Variants in TGFBR2 observed in about 807,000 individuals in gnomAD.
The protein encoded by TGFBR2 is transforming growth factor beta receptor 2.
A neutral mutation model predicts 49.0 loss-of-function variants in TGFBR2; 18 were observed. The ratio of observed to expected loss-of-function variants is 0.37; its 90% CI spans 0.25 to 0.54. The LOEUF is 0.54. Among genes scored for constraint, TGFBR2 ranks in the 20% least tolerant of loss-of-function variants. The pLI is 0.85. For synonymous variants in TGFBR2, 282 were observed against 275.9 expected (o/e 1.02, Z -0.22); for missense variants, 525 against 722.6 (o/e 0.73, Z 3.13).
intron 1 of TGFBR2, among the ~76,000 whole-genome samples, chr3:30,622,331 G>C (rs1698244334): frequency 6.6e-6 from 1 of 152,148 alleles, no homozygotes; most frequent in Non-Finnish European, 1.5e-5. Context: ...ATCAGACTCA[G>C]CAGTTCAAGA....
At chr3:30,645,491 CT>C (rs771983813) in intron 2 of TGFBR2, among the ~76,000 whole-genome samples, 91 of 136,166 alleles carry the variant, frequency 6.7e-4, no homozygotes, top group Non-Finnish European at 6.6e-4. Context: ...CTACATATTT[CT>C]TTTTTTTTTT....
At chr3:30,656,709 C>G (rs1699007384) in intron 3 of TGFBR2, among the ~76,000 whole-genome samples, 2 of 152,190 alleles carry the variant, frequency 1.3e-5, no homozygotes, top group African/African-American at 4.8e-5. Flanking sequence ...TTCCTGCTAA[C>G]TTAGAACTGA....
At chr3:30,670,461 T>C (rs1391036390) in intron 3 of TGFBR2, among the ~76,000 whole-genome samples, 1 of 152,220 alleles carries the variant, frequency 6.6e-6, no homozygotes, top group African/African-American at 2.4e-5. Context: ...GGCCTGCTCA[T>C]TAATGGGTAC....
chr3:30,680,020 A>G (rs976646438), intron 5 of TGFBR2, among the ~76,000 whole-genome samples: 1 of 152,196 alleles, frequency 6.6e-6, no homozygotes. Context: ...CAGCTACTCA[A>G]GAGGCTGAGG....
intron 1 of TGFBR2, among the ~76,000 whole-genome samples, chr3:30,635,346 C>T (rs1698508805): frequency 6.6e-6 from 1 of 152,056 alleles, no homozygotes; most frequent in African/African-American, 2.4e-5. Context: ...AAAACAAAAA[C>T]AAACAAAAAA....
At chr3:30,633,680 G>A (rs111450856) in intron 1 of TGFBR2, among the ~76,000 whole-genome samples, 46 of 152,264 alleles carry the variant, frequency 3.0e-4, no homozygotes, top group African/African-American at 9.6e-4. Context: ...CTGTTGTCTT[G>A]GGATGGTGTG....
intron 3 of TGFBR2, among the ~76,000 whole-genome samples, chr3:30,668,395 A>G (rs144239009): frequency 5.6e-4 from 85 of 152,328 alleles, no homozygotes; most frequent in South Asian, 1.2e-3. Context: ...AAGCAAACAC[A>G]TTCATTGGAT....
At chr3:30,615,237 T>G (rs552226182) in intron 1 of TGFBR2, among the ~76,000 whole-genome samples, 2 of 152,194 alleles carry the variant, frequency 1.3e-5, no homozygotes, top group Non-Finnish European at 2.9e-5. Context: ...GTGGATTTAC[T>G]GTGAAGTGCT....
chr3:30,622,821 A>G (rs1698255531), intron 1 of TGFBR2, among the ~76,000 whole-genome samples: 1 of 133,240 alleles, frequency 7.5e-6, no homozygotes, highest in Non-Finnish European at 1.6e-5. Context: ...CAGTGGTTGC[A>G]GTGATCCGAT....
At chr3:30,659,863 G>T (rs192167934) in intron 3 of TGFBR2, among the ~76,000 whole-genome samples, 95 of 151,994 alleles carry the variant, frequency 6.3e-4, no homozygotes, top group South Asian at 2.1e-3. Flanking sequence ...GCTGCTTTGC[G>T]AGTGTCTCAG....
At chr3:30,624,508 C>T (rs973881652) in intron 1 of TGFBR2, among the ~76,000 whole-genome samples, 28 of 151,816 alleles carry the variant, frequency 1.8e-4, no homozygotes, top group Admixed American at 1.1e-3. Flanking sequence ...CCCAGCTATT[C>T]GGGAGGCTGA....
intron 1 of TGFBR2, among the ~76,000 whole-genome samples, chr3:30,613,907 TG>T (rs1274382920): frequency 6.6e-6 from 1 of 152,214 alleles, no homozygotes; most frequent in Admixed American, 6.5e-5. Flanking sequence ...GGGGTGGATC[TG>T]CAGCAGCAAC....
chr3:30,691,504 C>T lies in TGFBR2; in HGVS notation c.1609C>T (p.Arg537Cys), dbSNP rs104893809. 6.2e-7 allele frequency: 1 copy of T among 1,614,084 alleles called. No individual in the cohort carries two copies. Among genetic ancestry groups the T allele is most frequent in the Non-Finnish European group, 8.5e-7 (1 of 1,179,978 alleles). ...TCTCACAGCCCAGTGTGTGGCAGAACGCTTCAGTGAGCTGGAGCATCTGGA... is the reference window on the plus strand; with the variant it reads ...TCTCACAGCCCAGTGTGTGGCAGAATGCTTCAGTGAGCTGGAGCATCTGGA... ...ARLTAQCVAE[R>C]FSELEHLDRL... The change falls in exon 7 of 7, where the codon CGC becomes TGC. Residue 537 changes from arginine to cysteine, a missense_variant. Transcript: ENST00000295754.
chr3:30,630,583 C>A (rs974755817), intron 1 of TGFBR2, among the ~76,000 whole-genome samples: 1 of 152,224 alleles, frequency 6.6e-6, no homozygotes, highest in Admixed American at 6.5e-5. Flanking sequence ...CCATTGACAA[C>A]TGTCATTATG....
intron 2 of TGFBR2, among the ~76,000 whole-genome samples, chr3:30,647,926 C>G (rs1213275675): frequency 6.6e-6 from 1 of 152,106 alleles, no homozygotes. Flanking sequence ...ATCCGCCTGC[C>G]TCGGCCTCTG....
chr3:30,635,580 C>T (rs969931972), intron 1 of TGFBR2, among the ~76,000 whole-genome samples: 1 of 152,136 alleles, frequency 6.6e-6, no homozygotes, highest in African/African-American at 2.4e-5. Flanking sequence ...TCAGCTACAG[C>T]TTGTTTCATT....
chr3:30,679,201 A>C (rs1041447365), intron 5 of TGFBR2, among the ~76,000 whole-genome samples: 1 of 152,186 alleles, frequency 6.6e-6, no homozygotes, highest in African/African-American at 2.4e-5. Flanking sequence ...TTAGGAAGGG[A>C]AGGCAGTGAG....
chr3:30,623,337 T>C, intron 1 of TGFBR2: 2 of 1,561,806 alleles, frequency 1.3e-6, no homozygotes, highest in Non-Finnish European at 1.8e-6. Context: ...CCTCACTGCT[T>C]AATTTGTAAG....
intron 2 of TGFBR2, among the ~76,000 whole-genome samples, chr3:30,648,798 G>C (rs994835676): frequency 2.6e-5 from 4 of 152,122 alleles, no homozygotes; most frequent in African/African-American, 9.7e-5. Context: ...CATGGATGTT[G>C]ACACTGGCAC....
Sources: gnomAD v4.1 joint callset for allele counts (sites outside exome capture counted in the v4.1 genomes callset) on GRCh38, gnomAD v4.1.1 for gene constraint, MANE v1.5 for transcripts, NCBI Gene and HGNC (gene_info 2026-07-23, HGNC 2026-07-21) for gene names.